The following SLC24A3 variants were observed in gnomAD, a reference collection of about 807,000 sequenced individuals.
SLC24A3 encodes solute carrier family 24 member 3, also known as sodium/potassium/calcium exchanger 3.
SLC24A3 carries 28 observed loss-of-function variants against 75.8 expected under a neutral mutation model. The observed-to-expected ratio is 0.37, with a 90% confidence interval of 0.27 to 0.51. SLC24A3 has a LOEUF of 0.51. Ranked by LOEUF, SLC24A3 falls within the 20% of genes least tolerant of loss-of-function variation. The pLI, the probability that SLC24A3 is intolerant of heterozygous loss-of-function variation, is 0.94. For synonymous variants in SLC24A3, 372 were observed against 334.1 expected (o/e 1.11, Z -1.24); for missense variants, 663 against 847.8 (o/e 0.78, Z 2.71).
chr20:19,222,783 C>CCCTTCTTTCCTTCCTTCCTT (rs1981756493), intron 1 of SLC24A3, among the ~76,000 whole-genome samples: 1 of 75,804 alleles, frequency 1.3e-5, no homozygotes, highest in Non-Finnish European at 2.5e-5. Context: ...TCCCCTCCCT[C>CCCTTCTTTCCTTCCTTCCTT]CCTTCCTTCC....
intron 6 of SLC24A3, among the ~76,000 whole-genome samples, chr20:19,586,190 G>A (rs1272806463): frequency 6.6e-6 from 1 of 152,194 alleles, no homozygotes; most frequent in South Asian, 2.1e-4. Context: ...AAGCCACTGC[G>A]TGGGAGGCTC....
At chr20:19,217,003 C>A (rs1981577165) in intron 1 of SLC24A3, among the ~76,000 whole-genome samples, 1 of 152,222 alleles carries the variant, frequency 6.6e-6, no homozygotes, top group South Asian at 2.1e-4. Context: ...ACCCTCAGAG[C>A]TGGGCTGCCA....
At chr20:19,694,996 T>G (rs1047689160) in intron 13 of SLC24A3, 1 of 152,194 alleles carries the variant, frequency 6.6e-6, no homozygotes, top group Non-Finnish European at 1.5e-5. Flanking sequence ...AGCGACAAAA[T>G]AGAAACAGCG....
At chr20:19,267,963 T>A (rs1983217607) in intron 1 of SLC24A3, among the ~76,000 whole-genome samples, 1 of 152,200 alleles carries the variant, frequency 6.6e-6, no homozygotes, top group African/African-American at 2.4e-5. Context: ...GTTCAACAGT[T>A]TTAAAAAATT....
At chr20:19,409,218 G>A (rs1206086841) in intron 2 of SLC24A3, among the ~76,000 whole-genome samples, 1 of 152,188 alleles carries the variant, frequency 6.6e-6, no homozygotes, top group East Asian at 1.9e-4. Flanking sequence ...GAAGACCAGG[G>A]AGAAGGAGGA....
chr20:19,664,575 T>C (rs897597959), intron 7 of SLC24A3, among the ~76,000 whole-genome samples: 2 of 152,166 alleles, frequency 1.3e-5, no homozygotes, highest in Non-Finnish European at 2.9e-5. Context: ...GTTCTCTACG[T>C]CTCTACCCAG....
chr20:19,215,695 A>C (rs919718754), intron 1 of SLC24A3, among the ~76,000 whole-genome samples: 91 of 152,148 alleles, frequency 6.0e-4, no homozygotes, highest in African/African-American at 2.0e-3. Flanking sequence ...AGCAAAATAG[A>C]GATGTGTGAT....
intron 2 of SLC24A3, among the ~76,000 whole-genome samples, chr20:19,313,931 G>A (rs1984518853): frequency 6.6e-6 from 1 of 152,192 alleles, no homozygotes. Context: ...TAAAGGATGG[G>A]CAGAGGGAGA....
At chr20:19,293,655 CA>C (rs760339037) in intron 2 of SLC24A3, among the ~76,000 whole-genome samples, 5,170 of 57,780 alleles carry the variant, frequency 0.089, 292 homozygotes, top group East Asian at 0.36. Context: ...AACTTCGTCT[CA>C]AAAAAAAAAA....
intron 6 of SLC24A3, among the ~76,000 whole-genome samples, chr20:19,589,851 T>C (rs2122642738): frequency 6.6e-6 from 1 of 152,232 alleles, no homozygotes; most frequent in South Asian, 2.1e-4. Context: ...GATTCAGTAT[T>C]CCCCAGATGG....
At chr20:19,665,826 TG>T in intron 7 of SLC24A3, 37 bp from the exon 8 acceptor site, 1 of 1,548,608 alleles carries the variant, frequency 6.5e-7, no homozygotes. Flanking sequence ...TGTGTGTGTG[TG>T]TGTGTCTAAT....
chr20:19,577,572 A>G (rs978625427), intron 3 of SLC24A3, among the ~76,000 whole-genome samples: 1 of 152,248 alleles, frequency 6.6e-6, no homozygotes, highest in Non-Finnish European at 1.5e-5. Flanking sequence ...ATTACAAAAT[A>G]TAGTTATGGA....
At chr20:19,300,557 G>C (rs904128592) in intron 2 of SLC24A3, among the ~76,000 whole-genome samples, 4 of 152,212 alleles carry the variant, frequency 2.6e-5, no homozygotes, top group Non-Finnish European at 4.4e-5. Context: ...CTGCCAGTGT[G>C]GTCTGGTTTG....
chr20:19,233,164 C>T (rs1455250706), intron 1 of SLC24A3, among the ~76,000 whole-genome samples: 1 of 152,238 alleles, frequency 6.6e-6, no homozygotes, highest in Non-Finnish European at 1.5e-5. Flanking sequence ...TAACTGTCAA[C>T]TGAGTTTCGC....
intron 2 of SLC24A3, among the ~76,000 whole-genome samples, chr20:19,423,700 A>G (rs1986953709): frequency 6.6e-6 from 1 of 152,198 alleles, no homozygotes; most frequent in Non-Finnish European, 1.5e-5. Context: ...AGAGGGCTGC[A>G]TGTTTAGAGA....
At chr20:19,334,092 A>G (rs1486983639) in intron 2 of SLC24A3, among the ~76,000 whole-genome samples, 1 of 152,172 alleles carries the variant, frequency 6.6e-6, no homozygotes, top group Non-Finnish European at 1.5e-5. Context: ...CTATGAAGAA[A>G]TCAAATTGTA....
At chr20:19,299,585 T>G (rs1057399426) in intron 2 of SLC24A3, among the ~76,000 whole-genome samples, 4 of 152,234 alleles carry the variant, frequency 2.6e-5, no homozygotes, top group African/African-American at 9.6e-5. Flanking sequence ...TGGACTGATC[T>G]TTTTATTTTG....
At chr20:19,538,924 G>T (rs1346342973) in intron 3 of SLC24A3, among the ~76,000 whole-genome samples, 1 of 152,226 alleles carries the variant, frequency 6.6e-6, no homozygotes, top group Non-Finnish European at 1.5e-5. Context: ...TGCAACAATG[G>T]TGATAATCTA....
At chr20:19,610,549 T>C in intron 6 of SLC24A3, among the ~76,000 whole-genome samples, 1 of 152,166 alleles carries the variant, frequency 6.6e-6, no homozygotes, top group East Asian at 1.9e-4. Flanking sequence ...TCCCCAGAAG[T>C]AGGACCTCAG....
Sources: allele counts gnomAD v4.1 joint callset (sites outside exome capture counted in the v4.1 genomes callset), GRCh38; gene constraint gnomAD v4.1.1; transcripts MANE v1.5; gene names NCBI Gene and HGNC (gene_info 2026-07-23, HGNC 2026-07-21).